The following FRMPD3 variants were observed in gnomAD, a reference collection of about 807,000 sequenced individuals.
The protein encoded by FRMPD3 is FERM and PDZ domain-containing protein 3.
In FRMPD3, 42 loss-of-function variants were observed where a neutral mutation model predicts 97.9. That is an observed-to-expected ratio of 0.43 (90% CI 0.34 to 0.55). The LOEUF (loss-of-function observed/expected upper bound fraction) is 0.55, where lower values mean the gene tolerates loss of function less well. Ranked by LOEUF, FRMPD3 falls within the 20% of genes least tolerant of loss-of-function variation. FRMPD3 has a pLI of 0.03. For missense variants in FRMPD3, 1,303 were observed against 1,457.7 expected (o/e 0.89, Z 1.73); for synonymous variants, 577 against 581.1 (o/e 0.99, Z 0.10).
intron 5 of FRMPD3, among the ~76,000 whole-genome samples, chrX:107,547,917 G>A (rs1385827028): frequency 9.0e-6 from 1 of 111,485 alleles, no homozygotes; most frequent in Non-Finnish European, 1.9e-5. Flanking sequence ...GGGGCCGCTG[G>A]GCCTGGCAGG....
chrX:107,589,981 T>A (rs1267801104), intron 13 of FRMPD3, among the ~76,000 whole-genome samples: 1 of 111,223 alleles, frequency 9.0e-6, no homozygotes, highest in East Asian at 2.8e-4. Context: ...TGAAACCCTG[T>A]CTCTACTAAA....
intron 8 of FRMPD3, among the ~76,000 whole-genome samples, chrX:107,557,693 G>GT (rs1376839062): frequency 1.1e-4 from 9 of 83,383 alleles, no homozygotes; most frequent in Non-Finnish European, 1.9e-4. Flanking sequence ...GTGTGTGTGT[G>GT]TTTTTTTTTG....
At chrX:107,546,847 A>G (rs1470981695) in intron 5 of FRMPD3, among the ~76,000 whole-genome samples, 1 of 112,001 alleles carries the variant, frequency 8.9e-6, no homozygotes, top group African/African-American at 3.2e-5. Flanking sequence ...GGCCCAGAGC[A>G]GGGAAATCAG....
At chrX:107,591,162 T>TTTCG in intron 13 of FRMPD3, among the ~76,000 whole-genome samples, 1 of 102,820 alleles carries the variant, frequency 9.7e-6, no homozygotes, top group Admixed American at 1.1e-4. Flanking sequence ...TCTTTCTTTC[T>TTTCG]TTTTTTTTTT....
intron 13 of FRMPD3, among the ~76,000 whole-genome samples, chrX:107,594,382 T>C (rs1010973212): frequency 8.9e-6 from 1 of 112,050 alleles, no homozygotes; most frequent in East Asian, 2.8e-4. Flanking sequence ...TCTGGCTCTT[T>C]TAGTTATTTT....
chrX:107,468,056 A>T (rs1177656570), intron 1 of FRMPD3, among the ~76,000 whole-genome samples: 1 of 111,521 alleles, frequency 9.0e-6, no homozygotes, highest in African/African-American at 3.3e-5. Flanking sequence ...TCTGCAGATC[A>T]CCTCTTTGGA....
At chrX:107,566,741 A>AT (rs1383774341) in intron 12 of FRMPD3, among the ~76,000 whole-genome samples, 2 of 112,728 alleles carry the variant, frequency 1.8e-5, no homozygotes, top group East Asian at 5.5e-4. Flanking sequence ...GGATTTATTT[A>AT]TTTTTTTCAG....
intron 12 of FRMPD3, among the ~76,000 whole-genome samples, chrX:107,569,294 C>CAAAAAAAAAAA (rs752263727): frequency 9.4e-5 from 2 of 21,257 alleles, no homozygotes; most frequent in African/African-American, 1.2e-4. Context: ...GACTCCATCT[C>CAAAAAAAAAAA]AAAAAAAAAA....
chrX:107,490,562 A>C (rs369909267), intron 1 of FRMPD3, among the ~76,000 whole-genome samples: 1 of 110,957 alleles, frequency 9.0e-6, no homozygotes, highest in East Asian at 2.8e-4. Context: ...CATCCCTTGT[A>C]AGTTGGATTC....
chrX:107,570,949 C>G (rs1277527689), intron 12 of FRMPD3, among the ~76,000 whole-genome samples: 1 of 112,098 alleles, frequency 8.9e-6, no homozygotes, highest in Non-Finnish European at 1.9e-5. Context: ...TTCTCCTTTC[C>G]TCATGCTACA....
chrX:107,581,113 T>C (rs907300028), intron 13 of FRMPD3, among the ~76,000 whole-genome samples: 12 of 111,009 alleles, frequency 1.1e-4, no homozygotes, highest in African/African-American at 3.9e-4. Flanking sequence ...CTCTGTTTGT[T>C]TGTTTGTTTG....
chrX:107,511,184 T>C (rs1346339531), intron 1 of FRMPD3, among the ~76,000 whole-genome samples: 2 of 111,849 alleles, frequency 1.8e-5, no homozygotes, highest in Admixed American at 1.9e-4. Context: ...AAAGGCCTAC[T>C]CATTGTCTAT....
In FRMPD3 at chrX:107,602,146, T is replaced by C; in HGVS notation, c.4107T>C (p.Gly1369=). The C allele has an allele frequency of 8.3e-7, 1 of 1,210,570 alleles. No homozygotes were observed. The change falls in exon 15 of 15, where the codon GGT becomes GGC. Residue 1369 remains glycine, a synonymous_variant. Transcript: ENST00000683843. ...SRECRSDPES[G]VSCLTTCASG... The stretch of plus-strand genomic sequence containing the variant: ...AGTGCCGATCGGACCCTGAGAGTGG[T>C]GTTTCGTGCCTGACCACGTGTGCCT...
At chrX:107,576,545 T>TG (rs767467632) in intron 13 of FRMPD3, 86 bp downstream of exon 13, 542 of 1,037,802 alleles carry the variant, frequency 5.2e-4, no homozygotes, top group Non-Finnish European at 6.5e-4. Context: ...TCTGCCTTAG[T>TG]GCTCACCCCG....
chrX:107,489,200 G>A (rs1468248833), intron 1 of FRMPD3, among the ~76,000 whole-genome samples: 1 of 109,663 alleles, frequency 9.1e-6, no homozygotes, highest in Non-Finnish European at 1.9e-5. Context: ...ATTCCATGGT[G>A]TATATGTGCC....
At chrX:107,567,303 G>A (rs1922646033) in intron 12 of FRMPD3, among the ~76,000 whole-genome samples, 1 of 111,744 alleles carries the variant, frequency 8.9e-6, no homozygotes, top group African/African-American at 3.3e-5. Flanking sequence ...AGTATTAAAT[G>A]AAAAAATGTA....
At chrX:107,549,982 C>T (rs771941742) in intron 5 of FRMPD3, 67 bp from the exon 6 acceptor site, 1 of 690,592 alleles carries the variant, frequency 1.4e-6, no homozygotes, top group East Asian at 3.5e-5. Context: ...TTTTCACACC[C>T]TTCCTCTGGC....
intron 1 of FRMPD3, among the ~76,000 whole-genome samples, chrX:107,511,337 C>T (rs1307173324): frequency 1.8e-5 from 2 of 112,390 alleles, no homozygotes; most frequent in Non-Finnish European, 3.8e-5. Flanking sequence ...CCTCCGTCTC[C>T]ACTTGCTCAA....
chrX:107,494,189 C>T (rs1343493020), intron 1 of FRMPD3, among the ~76,000 whole-genome samples: 1 of 112,104 alleles, frequency 8.9e-6, no homozygotes, highest in East Asian at 2.8e-4. Flanking sequence ...TCTTACCTCT[C>T]CTACATTCCC....
Sources: gnomAD v4.1 joint callset for allele counts (sites outside exome capture counted in the v4.1 genomes callset) on GRCh38, gnomAD v4.1.1 for gene constraint, MANE v1.5 for transcripts, NCBI Gene and HGNC (gene_info 2026-07-23, HGNC 2026-07-21) for gene names.